The following LAMA2 variants were observed in gnomAD, a reference collection of about 807,000 sequenced individuals.
LAMA2 encodes the protein laminin subunit alpha-2.
In LAMA2, 269 loss-of-function variants were observed where a neutral mutation model predicts 364.8. The ratio of observed to expected loss-of-function variants is 0.74; its 90% CI spans 0.67 to 0.82. LAMA2 has a LOEUF of 0.82. Among genes scored for constraint, LAMA2 ranks in the 40% least tolerant of loss-of-function variants. The probability of loss-of-function intolerance (pLI) is 0.00; values close to 1 mark genes in which losing one functional copy is unlikely to be tolerated. For missense variants in LAMA2, 3,807 were observed against 3,873.2 expected (o/e 0.98, Z 0.45); for synonymous variants, 1,379 against 1,370.6 (o/e 1.01, Z -0.14).
Position 129,222,218 on chromosome 6 carries a change from C to T in LAMA2, c.1783-27894C>T, listed in dbSNP as rs547960254. Among the ~76,000 whole-genome samples the T allele has an allele frequency of 5.9e-5, 9 of 152,028 alleles. No individual in the cohort carries two copies. The East Asian group carries it at 1.2e-3, about 20-fold the overall frequency. On this transcript the variant is annotated intron_variant, in intron 12 of 64. Transcript: ENST00000421865. ...TAAATGAAAAAATAAAATAGAGTCA[C>T]GATTAGACCAATGATGATAGTATAT...
intron 41 of LAMA2, among the ~76,000 whole-genome samples, chr6:129,436,545 G>A (rs1483238551): frequency 6.6e-6 from 1 of 151,966 alleles, no homozygotes. Flanking sequence ...TATCCCCAAA[G>A]ATAAATCTTT....
At chr6:129,145,989 G>T (rs913398043) in intron 5 of LAMA2, among the ~76,000 whole-genome samples, 1 of 151,682 alleles carries the variant, frequency 6.6e-6, no homozygotes, top group Non-Finnish European at 1.5e-5. Flanking sequence ...ATTAGTTCAA[G>T]GTCTAGGTAT....
At chr6:129,352,894 A>T (rs1044875198) in intron 31 of LAMA2, among the ~76,000 whole-genome samples, 1 of 148,182 alleles carries the variant, frequency 6.7e-6, no homozygotes, top group African/African-American at 2.5e-5. Context: ...AAGTAATTTA[A>T]CATTATTATT....
chr6:129,502,519 G>A, intron 58 of LAMA2, 140 bp from the exon 59 acceptor site: 1 of 671,750 alleles, frequency 1.5e-6, no homozygotes, highest in Non-Finnish European at 2.7e-6. Context: ...TACTTACTAT[G>A]CAGTAGACTA....
At chr6:128,986,241 A>G (rs1288820407) in intron 1 of LAMA2, among the ~76,000 whole-genome samples, 2 of 152,044 alleles carry the variant, frequency 1.3e-5, no homozygotes, top group African/African-American at 2.4e-5. Flanking sequence ...AATGATTCTC[A>G]TGCTTTTCAG....
chr6:129,306,489 A>G (rs948516189), intron 22 of LAMA2, among the ~76,000 whole-genome samples: 8 of 151,414 alleles, frequency 5.3e-5, no homozygotes, highest in African/African-American at 1.9e-4. Flanking sequence ...TTGGCCCTGT[A>G]GGATTATAGT....
chr6:128,968,589 G>A (rs999619679), intron 1 of LAMA2, among the ~76,000 whole-genome samples: 2 of 152,194 alleles, frequency 1.3e-5, no homozygotes, highest in African/African-American at 2.4e-5. Context: ...GTTGGTTAGA[G>A]CCCAGCAAGG....
intron 53 of LAMA2, among the ~76,000 whole-genome samples, chr6:129,478,411 AAGTC>A (rs1412699443): frequency 6.6e-6 from 1 of 152,214 alleles, no homozygotes; most frequent in African/African-American, 2.4e-5. Context: ...CATCAATAAG[AAGTC>A]AGTTAATTCC....
chr6:129,057,743 T>C (rs1788587607), intron 2 of LAMA2, among the ~76,000 whole-genome samples: 1 of 152,016 alleles, frequency 6.6e-6, no homozygotes, highest in Non-Finnish European at 1.5e-5. Context: ...CACCTCATGG[T>C]CCCCCTCTCA....
intron 12 of LAMA2, among the ~76,000 whole-genome samples, chr6:129,243,681 A>G (rs1466599041): frequency 6.6e-6 from 1 of 151,942 alleles, no homozygotes; most frequent in Non-Finnish European, 1.5e-5. Flanking sequence ...GTCACCCAAT[A>G]CAGGTTATCT....
intron 34 of LAMA2, among the ~76,000 whole-genome samples, chr6:129,382,185 A>G (rs1005230697): frequency 1.3e-5 from 2 of 152,194 alleles, no homozygotes; most frequent in African/African-American, 4.8e-5. Flanking sequence ...TCTCTAATTC[A>G]TTATCTGTAG....
At chr6:129,453,226 C>T in intron 46 of LAMA2, 95 bp downstream of exon 46, 1 of 1,174,028 alleles carries the variant, frequency 8.5e-7, no homozygotes, top group South Asian at 1.2e-5. Context: ...TATATGGTCC[C>T]CAAATGGTCT....
chr6:129,391,398 T>A, intron 35 of LAMA2, 93 bp from the exon 36 acceptor site: 1 of 1,048,384 alleles, frequency 9.5e-7, no homozygotes, highest in South Asian at 1.3e-5. Flanking sequence ...TACTCTTCAT[T>A]TGGAGATGGT....
At chr6:129,208,739 G>A (rs1336338917) in intron 12 of LAMA2, among the ~76,000 whole-genome samples, 1 of 146,210 alleles carries the variant, frequency 6.8e-6, no homozygotes. Flanking sequence ...AGGAAGGAGG[G>A]AGGGAGGAAG....
intron 18 of LAMA2, among the ~76,000 whole-genome samples, chr6:129,281,102 C>G (rs1163050219): frequency 6.6e-6 from 1 of 151,678 alleles, no homozygotes; most frequent in East Asian, 1.9e-4. Context: ...TTCCTAGCAG[C>G]AACAAGTACT....
intron 2 of LAMA2, among the ~76,000 whole-genome samples, chr6:129,052,399 C>A (rs147634568): frequency 6.6e-6 from 1 of 151,690 alleles, no homozygotes; most frequent in African/African-American, 2.4e-5. Context: ...ATGCCCGCCT[C>A]GGCCTCCCAA....
In LAMA2 at chr6:128,883,171, C is replaced by T. The variant is rs558347603; in HGVS notation, c.-75C>T. On this transcript the variant is annotated 5_prime_UTR_variant, in exon 1 of 65. Transcript: ENST00000421865. The stretch of plus-strand genomic sequence containing the variant: ...CAGCAGCTGCTGCTCGCTCAGCTCA[C>T]AAGCCAAGGCCAGGGGACAGGGCGG... 257 of 1,421,226 alleles carry T rather than the reference C, an allele frequency of 1.8e-4. 1 individual carries two copies. The African/African-American group carries it at 3.2e-3, about 18-fold the overall frequency. 88.0% of individuals were successfully genotyped at this position (1,421,226 alleles called of 1,614,324 possible).
intron 7 of LAMA2, among the ~76,000 whole-genome samples, chr6:129,154,136 G>A (rs943812106): frequency 2.0e-5 from 3 of 152,148 alleles, no homozygotes; most frequent in East Asian, 1.9e-4. Context: ...AGTCTAGGCC[G>A]GGGGCAGTGG....
chr6:129,213,249 A>G (rs569180276), intron 12 of LAMA2, among the ~76,000 whole-genome samples: 27 of 152,196 alleles, frequency 1.8e-4, no homozygotes, highest in Non-Finnish European at 4.0e-4. Context: ...TTGTCTGGAT[A>G]TAACCACAGT....
Sources: gnomAD v4.1 joint callset for allele counts (sites outside exome capture counted in the v4.1 genomes callset) on GRCh38, gnomAD v4.1.1 for gene constraint, MANE v1.5 for transcripts, NCBI Gene and HGNC (gene_info 2026-07-23, HGNC 2026-07-21) for gene names.